SIK2: variants seen among roughly 807,000 people sequenced by gnomAD.
SIK2 encodes salt inducible kinase 2.
A neutral mutation model predicts 103.2 loss-of-function variants in SIK2; 29 were observed. The ratio of observed to expected loss-of-function variants is 0.28; its 90% CI spans 0.21 to 0.38. SIK2 has a LOEUF of 0.38. Among genes scored for constraint, SIK2 ranks in the 10% least tolerant of loss-of-function variants. The pLI is 1.00. For synonymous variants in SIK2, 412 were observed against 446.1 expected, an observed-to-expected ratio of 0.92 and a Z score of 0.96; for missense variants, 879 against 1,171.0, an observed-to-expected ratio of 0.75 and a Z score of 3.64.
chr11:111,609,939 A>T (rs1439855524), intron 1 of SIK2, among the ~76,000 whole-genome samples: 1 of 152,218 alleles, frequency 6.6e-6, no homozygotes, highest in Non-Finnish European at 1.5e-5. Context: ...CTTCAGAAGG[A>T]CAGTGTAGAA....
At chr11:111,658,670 G>A (rs541377574) in intron 3 of SIK2, among the ~76,000 whole-genome samples, 7 of 152,132 alleles carry the variant, frequency 4.6e-5, no homozygotes, top group African/African-American at 1.4e-4. Context: ...TGAGCCCGGT[G>A]ATCAAGGATG....
chr11:111,609,349 T>A (rs1941689581), intron 1 of SIK2, among the ~76,000 whole-genome samples: 1 of 151,570 alleles, frequency 6.6e-6, no homozygotes, highest in Non-Finnish European at 1.5e-5. Flanking sequence ...GGGGACAGGG[T>A]CTCACTCTGT....
chr11:111,608,331 A>G (rs1404893209), intron 1 of SIK2, among the ~76,000 whole-genome samples: 2 of 152,226 alleles, frequency 1.3e-5, no homozygotes, highest in Non-Finnish European at 1.5e-5. Context: ...GAGAAACAAT[A>G]CTAAAATTTA....
intron 4 of SIK2, among the ~76,000 whole-genome samples, chr11:111,696,248 G>C (rs970791149): frequency 6.6e-6 from 1 of 152,178 alleles, no homozygotes; most frequent in Non-Finnish European, 1.5e-5. Context: ...AACTGAAAAG[G>C]AACATGTGAC....
At chr11:111,615,502 C>A (rs1166037897) in intron 1 of SIK2, among the ~76,000 whole-genome samples, 1 of 151,866 alleles carries the variant, frequency 6.6e-6, no homozygotes, top group Non-Finnish European at 1.5e-5. Flanking sequence ...TAAATTAGTT[C>A]TTTTTAATTG....
intron 3 of SIK2, among the ~76,000 whole-genome samples, chr11:111,654,096 A>G (rs551307650): frequency 3.2e-4 from 48 of 152,328 alleles, no homozygotes; most frequent in African/African-American, 9.6e-4. Flanking sequence ...ATATGTTAGT[A>G]AATATTTTTC....
In SIK2 at chr11:111,628,374, C is replaced by T. The variant is rs192381556; in HGVS notation, c.316+7972C>T. Among the ~76,000 whole-genome samples the T allele has an allele frequency of 3.8e-4, 54 of 143,378 alleles. 1 individual carries two copies. Among genetic ancestry groups the T allele is most frequent in the Admixed American group, 1.9e-3 (26 of 13,932 alleles). 94.1% of individuals were successfully genotyped at this position (143,378 alleles called of 152,430 possible). A position where few individuals can be genotyped will look rare whatever the true frequency, so the allele number is the denominator to read the frequency against. The stretch of plus-strand genomic sequence containing the variant: ...TGATACAGTCCCCATGCTCCTGCCA[C>T]TCCTCCCCCATTTTCTCCTCTTTAG... On this transcript the variant is annotated intron_variant, in intron 3 of 14. Coordinates refer to ENST00000304987, the MANE Select transcript of SIK2 (RefSeq NM_015191.3).
intron 1 of SIK2, among the ~76,000 whole-genome samples, chr11:111,610,354 G>A (rs1941705370): frequency 6.6e-6 from 1 of 152,030 alleles, no homozygotes; most frequent in African/African-American, 2.4e-5. Context: ...GCCTGGCGTG[G>A]TGGTGCATGC....
At chr11:111,672,117 G>T (rs1228553113) in intron 3 of SIK2, 4 of 462,940 alleles carry the variant, frequency 8.6e-6, no homozygotes, top group East Asian at 1.1e-4. Flanking sequence ...CCTTCTCCTG[G>T]TTACACACGG....
Position 111,722,751 on chromosome 11 carries a change from A to G in SIK2, c.2142A>G (p.Glu714=), listed in dbSNP as rs772221164. The change falls in exon 14 of 15, where the codon GAA becomes GAG. Residue 714 remains glutamate, a synonymous_variant. Transcript: ENST00000304987. This position sits in a 1 kb window ranked among gnomAD's most constrained non-coding sequence, Gnocchi z 4.4. ...PPRSLEQQLQ[E]HRLQQKRLFL... ...GGAGCCTTGAGCAGCAGCTGCAGGA[A>G]CATAGGTGAGAAGGGGACTTTGGCC... is the stretch of plus-strand genomic sequence containing the variant. 2.5e-6 allele frequency: 4 copies of G among 1,613,954 alleles called. No individual in the cohort carries two copies. The highest frequency in any genetic ancestry group is 3.4e-6 in the Non-Finnish European group (4 of 1,179,898).
chr11:111,602,569 C>A lies in SIK2; in HGVS notation c.6C>A (p.Val2=). 6.6e-7 allele frequency: 1 copy of A among 1,525,198 alleles called. No individual in the cohort carries two copies. Among genetic ancestry groups the A allele is most frequent in the Non-Finnish European group, 8.8e-7 (1 of 1,136,608 alleles). 94.5% of individuals were successfully genotyped at this position (1,525,198 alleles called of 1,614,324 possible). Residue 2 remains valine, a synonymous_variant, in exon 1 of 15, where the codon GTC becomes GTA. Transcript: ENST00000304987. The surrounding 1 kb of genome is among the most constrained non-coding windows in gnomAD (Gnocchi z 4.5). The part of the protein sequence containing the change: M[V]MADGPRHLQR... ...GTCTAGCAGCGGGGCCCAGCATGGTCATGGCGGATGGCCCGAGGCACTTGC... is the reference window on the plus strand; with the variant it reads ...GTCTAGCAGCGGGGCCCAGCATGGTAATGGCGGATGGCCCGAGGCACTTGC...
chr11:111,644,172 C>G (rs1316169682), intron 3 of SIK2, among the ~76,000 whole-genome samples: 1 of 151,056 alleles, frequency 6.6e-6, no homozygotes, highest in Non-Finnish European at 1.5e-5. Context: ...GCCAGTAGTC[C>G]CAGCTACTTG....
intron 1 of SIK2, among the ~76,000 whole-genome samples, chr11:111,606,128 T>C (rs369404120): frequency 5.9e-5 from 9 of 152,322 alleles, no homozygotes; most frequent in African/African-American, 1.9e-4. Flanking sequence ...TACTATACAG[T>C]ATTAGGAAAT....
At chr11:111,711,178 G>A (rs897144295) in intron 8 of SIK2, among the ~76,000 whole-genome samples, 19 of 151,668 alleles carry the variant, frequency 1.3e-4, no homozygotes, top group Admixed American at 1.2e-3. Context: ...GAGTGCAGTG[G>A]CGGGATCTTG....
intron 3 of SIK2, among the ~76,000 whole-genome samples, chr11:111,638,338 G>T (rs886240642): frequency 6.6e-6 from 1 of 152,160 alleles, no homozygotes; most frequent in African/African-American, 2.4e-5. Context: ...AGAAATCAGG[G>T]CACTCACCCA....
At chr11:111,631,280 CTG>C (rs1396540443) in intron 3 of SIK2, among the ~76,000 whole-genome samples, 1 of 152,162 alleles carries the variant, frequency 6.6e-6, no homozygotes, top group Non-Finnish European at 1.5e-5. Context: ...ACATTAGACA[CTG>C]TAGTGAGAGA....
chr11:111,700,748 C>T, intron 4 of SIK2, 138 bp from the exon 5 acceptor site: 7 of 1,013,428 alleles, frequency 6.9e-6, no homozygotes, highest in Non-Finnish European at 9.9e-6. Flanking sequence ...GGAAACATCA[C>T]AAGATAAGAT....
At chr11:111,672,314 C>A in intron 3 of SIK2, 1 of 423,862 alleles carries the variant, frequency 2.4e-6, no homozygotes, top group South Asian at 3.3e-5. Flanking sequence ...CTGATGCAGG[C>A]ACCAGGCCTG....
At chr11:111,721,138 A>G in intron 12 of SIK2, 76 bp downstream of exon 12, 1 of 1,497,092 alleles carries the variant, frequency 6.7e-7, no homozygotes. Flanking sequence ...GGTCATTTTC[A>G]CTTAGAGGAT....
Sources: allele counts gnomAD v4.1 joint callset (sites outside exome capture counted in the v4.1 genomes callset), GRCh38; gene constraint gnomAD v4.1.1; non-coding constraint Gnocchi (gnomAD v3.1); transcripts MANE v1.5; gene names NCBI Gene and HGNC (gene_info 2026-07-23, HGNC 2026-07-21).